RCL1: variants seen among roughly 807,000 people sequenced by gnomAD.
RCL1 encodes the protein RNA terminal phosphate cyclase like 1.
RCL1 carries 24 observed loss-of-function variants against 42.4 expected under a neutral mutation model. The observed-to-expected ratio is 0.57, with a 90% confidence interval of 0.41 to 0.80. The LOEUF (loss-of-function observed/expected upper bound fraction) is 0.80, where lower values mean the gene tolerates loss of function less well. RCL1 is among the 30% of genes least tolerant of loss of function. The pLI, the probability that RCL1 is intolerant of heterozygous loss-of-function variation, is 0.00. For missense variants in RCL1, 578 were observed against 467.9 expected, an observed-to-expected ratio of 1.24 and a Z score of -2.17; for synonymous variants, 228 against 177.3, an observed-to-expected ratio of 1.29 and a Z score of -2.27.
intron 7 of RCL1, among the ~76,000 whole-genome samples, chr9:4,848,100 T>C (rs1013871881): frequency 4.6e-5 from 7 of 152,228 alleles, no homozygotes; most frequent in Non-Finnish European, 5.9e-5. Context: ...AAGCAGAGAC[T>C]GAAGAGAACA....
chr9:4,800,876 A>G (rs1842989486), intron 1 of RCL1, among the ~76,000 whole-genome samples: 1 of 151,196 alleles, frequency 6.6e-6, no homozygotes, highest in Non-Finnish European at 1.5e-5. Context: ...CTGGTCTCCA[A>G]CTCCTGACCT....
At chr9:4,827,229 A>G in intron 3 of RCL1, 196 bp downstream of exon 3, 1 of 1,508,122 alleles carries the variant, frequency 6.6e-7, no homozygotes, top group Non-Finnish European at 8.9e-7. Context: ...ATTCAGGACT[A>G]TTGTTAACAG....
rs558786336 is a variant in RCL1, at chr9:4,808,782, C to G, written c.137-14766C>G. Among the ~76,000 whole-genome samples, 3 of 152,198 alleles carry G rather than the reference C, an allele frequency of 2.0e-5. No homozygotes were observed. In the South Asian group the frequency reaches 6.2e-4, roughly 32 times the overall value. On this transcript the variant is annotated intron_variant, in intron 1 of 8. Coordinates refer to ENST00000381750, the MANE Select transcript of RCL1 (RefSeq NM_005772.5). ...CCTTGATTGTGAAAATTATCACAAT[C>G]AAGGGTAATGTGGATTCTCATATAA...
At chr9:4,838,505 T>C (rs1479490549) in intron 5 of RCL1, among the ~76,000 whole-genome samples, 1 of 152,206 alleles carries the variant, frequency 6.6e-6, no homozygotes. Context: ...TAAGTTGGAA[T>C]TCGTGGGATA....
At chr9:4,822,466 C>A (rs1297127528) in intron 1 of RCL1, among the ~76,000 whole-genome samples, 1 of 152,120 alleles carries the variant, frequency 6.6e-6, no homozygotes, top group Non-Finnish European at 1.5e-5. Flanking sequence ...CATTTAAAAT[C>A]TATTCTCTTC....
chr9:4,808,275 A>T (rs973313542), intron 1 of RCL1, among the ~76,000 whole-genome samples: 1 of 151,948 alleles, frequency 6.6e-6, no homozygotes, highest in Non-Finnish European at 1.5e-5. Flanking sequence ...CTTTTATTAT[A>T]TAATGTATCA....
intron 5 of RCL1, among the ~76,000 whole-genome samples, chr9:4,835,188 G>A (rs1817080954): frequency 6.6e-6 from 1 of 152,184 alleles, no homozygotes; most frequent in Non-Finnish European, 1.5e-5. Context: ...GTGAAGAGCT[G>A]AAGGTGGCTG....
rs749214150 is a variant in RCL1, at chr9:4,823,579, C to A, written c.168C>A (p.Asp56Glu). Residue 56 changes from aspartate to glutamate, a missense_variant, in exon 2 of 9, where the codon GAC becomes GAA. By Grantham distance (45) the Asp-to-Glu change is conservative. Transcript: ENST00000381750. ...DFEASFIRLL[D>E]KITNGSRIEI... ...AAGCCAGCTTCATAAGGCTATTGGA[C>A]AAAATAACGAATGGTTCTCGAATTG... 1.9e-6 allele frequency: 3 copies of A among 1,611,634 alleles called. No homozygotes were observed. Among genetic ancestry groups the A allele is most frequent in the East Asian group, 4.5e-5 (2 of 44,720 alleles).
intron 5 of RCL1, chr9:4,839,460 G>C (rs564120808): frequency 6.5e-6 from 1 of 153,776 alleles, no homozygotes; most frequent in African/African-American, 2.4e-5. Flanking sequence ...TTTGGGAGCC[G>C]TGAGCTCTGT....
At position 4,793,177 on chromosome 9, in the gene RCL1, C is replaced by T; in HGVS notation, c.86C>T (p.Pro29Leu). The T allele has an allele frequency of 6.2e-7, 1 of 1,610,712 alleles. No individual in the cohort carries two copies. The highest frequency in any genetic ancestry group is 8.5e-7 in the Non-Finnish European group (1 of 1,178,570). ...RLVLSTLSGR[P>L]VKIRKIRARD... ...GTCCTGTCTACCCTGAGCGGGCGCC[C>T]CGTCAAAATCCGAAAGATTCGGGCC... Residue 29 changes from proline to leucine, a missense_variant, in exon 1 of 9, where the codon CCC becomes CTC. Coordinates refer to ENST00000381750, the MANE Select transcript of RCL1 (RefSeq NM_005772.5).
intron 8 of RCL1, among the ~76,000 whole-genome samples, chr9:4,853,389 T>A (rs568704240): frequency 8.0e-4 from 121 of 151,294 alleles, no homozygotes; most frequent in Non-Finnish European, 6.5e-4. Flanking sequence ...TGGCGCGATC[T>A]CAGCTCACTG....
intron 1 of RCL1, among the ~76,000 whole-genome samples, chr9:4,800,746 A>T (rs1587691375): frequency 7.1e-6 from 1 of 141,070 alleles, no homozygotes; most frequent in Admixed American, 7.4e-5. Flanking sequence ...TCCGCCTCCC[A>T]GGTTCAAGTG....
intron 5 of RCL1, chr9:4,839,905 C>T (rs1817256632): frequency 2.0e-6 from 2 of 985,230 alleles, no homozygotes; most frequent in African/African-American, 1.8e-5. Context: ...TGGAGGGTTT[C>T]AGGAGAGAGA....
At chr9:4,825,592 A>G (rs202100230) in intron 2 of RCL1, among the ~76,000 whole-genome samples, 11 of 152,208 alleles carry the variant, frequency 7.2e-5, no homozygotes, top group Admixed American at 1.3e-4. Context: ...GTGACTGAAC[A>G]TGCCTCCTTC....
chr9:4,853,466 C>T (rs537271558), intron 8 of RCL1, among the ~76,000 whole-genome samples: 1 of 152,138 alleles, frequency 6.6e-6, no homozygotes, highest in South Asian at 2.1e-4. Context: ...GGACTACAGG[C>T]GCCCGCCACC....
chr9:4,851,019 C>G (rs902712343), intron 8 of RCL1, among the ~76,000 whole-genome samples: 6 of 151,904 alleles, frequency 3.9e-5, no homozygotes, highest in African/African-American at 1.5e-4. Flanking sequence ...TGTTTTTTTT[C>G]GTGACACTTT....
intron 1 of RCL1, 80 bp from the exon 2 acceptor site, chr9:4,823,468 A>T (rs1360890912): frequency 2.8e-6 from 3 of 1,068,098 alleles, no homozygotes; most frequent in Non-Finnish European, 4.2e-6. Flanking sequence ...TACCTGAATC[A>T]GGCATGTGCT....
intron 1 of RCL1, among the ~76,000 whole-genome samples, chr9:4,808,500 G>C (rs1022748343): frequency 1.3e-5 from 2 of 152,068 alleles, no homozygotes; most frequent in African/African-American, 2.4e-5. Context: ...TAGAGACAGG[G>C]TTTCGCCATG....
At chr9:4,849,097 T>TC (rs1817622148) in intron 7 of RCL1, among the ~76,000 whole-genome samples, 2 of 152,080 alleles carry the variant, frequency 1.3e-5, no homozygotes, top group Admixed American at 1.3e-4. Flanking sequence ...ATTAAGATTT[T>TC]TTTTTTTTTG....
Sources: gnomAD v4.1 joint callset for allele counts (sites outside exome capture counted in the v4.1 genomes callset) on GRCh38, gnomAD v4.1.1 for gene constraint, MANE v1.5 for transcripts, NCBI Gene and HGNC (gene_info 2026-07-23, HGNC 2026-07-21) for gene names.